CNTNAP2: variants seen among roughly 807,000 people sequenced by gnomAD.
The protein encoded by CNTNAP2 is contactin-associated protein-like 2.
Under a neutral mutation model 155.2 loss-of-function variants are expected in CNTNAP2, and 98 were observed. The ratio of observed to expected loss-of-function variants is 0.63; its 90% CI spans 0.54 to 0.75. CNTNAP2 has a LOEUF of 0.75. Among genes scored for constraint, CNTNAP2 ranks in the 30% least tolerant of loss-of-function variants. The probability of loss-of-function intolerance (pLI) is 0.00; values close to 1 mark genes in which losing one functional copy is unlikely to be tolerated. For missense variants in CNTNAP2, 1,727 were observed against 1,688.1 expected (o/e 1.02, Z -0.40); for synonymous variants, 651 against 631.2 (o/e 1.03, Z -0.47).
At chr7:147,699,596 T>TAATA (rs56180062) in intron 13 of CNTNAP2, among the ~76,000 whole-genome samples, 47,584 of 151,268 alleles carry the variant, frequency 0.31, 7,750 homozygotes, top group African/African-American at 0.4. Flanking sequence ...ACTTAAAATA[T>TAATA]AATAAATAAA....
At chr7:147,494,200 C>A (rs1416477650) in intron 11 of CNTNAP2, among the ~76,000 whole-genome samples, 1 of 152,194 alleles carries the variant, frequency 6.6e-6, no homozygotes, top group East Asian at 1.9e-4. Context: ...AAAGTACTAC[C>A]TGGGTAGAAA....
chr7:147,752,313 T>C (rs1035485603), intron 13 of CNTNAP2, among the ~76,000 whole-genome samples: 1 of 65,638 alleles, frequency 1.5e-5, no homozygotes, highest in Non-Finnish European at 2.9e-5. Context: ...ACCTTCAAGG[T>C]ATTTTCCCTG....
chr7:147,716,616 C>G (rs1422826909), intron 13 of CNTNAP2, among the ~76,000 whole-genome samples: 12 of 152,262 alleles, frequency 7.9e-5, no homozygotes, highest in Admixed American at 3.3e-4. Context: ...GCCTGGCCCC[C>G]AGGTAGCCCT....
chr7:147,990,863 C>T (rs1393277147), intron 15 of CNTNAP2, among the ~76,000 whole-genome samples: 1 of 152,064 alleles, frequency 6.6e-6, no homozygotes, highest in Non-Finnish European at 1.5e-5. Flanking sequence ...AATCATTGGC[C>T]ACATGATTAA....
At chr7:147,412,492 A>G (rs961561409) in intron 10 of CNTNAP2, among the ~76,000 whole-genome samples, 1 of 152,210 alleles carries the variant, frequency 6.6e-6, no homozygotes, top group Admixed American at 6.5e-5. Context: ...ATAATCACAC[A>G]TTCAAGACTG....
At chr7:146,697,604 A>G (rs1362302404) in intron 1 of CNTNAP2, among the ~76,000 whole-genome samples, 1 of 152,048 alleles carries the variant, frequency 6.6e-6, no homozygotes, top group East Asian at 1.9e-4. Flanking sequence ...TTATATATTT[A>G]CTCTAGATGT....
At chr7:147,241,262 T>G (rs1803931018) in intron 8 of CNTNAP2, among the ~76,000 whole-genome samples, 1 of 152,232 alleles carries the variant, frequency 6.6e-6, no homozygotes, top group African/African-American at 2.4e-5. Flanking sequence ...TCATTCTCCC[T>G]GAGCTCTTTA....
intron 1 of CNTNAP2, among the ~76,000 whole-genome samples, chr7:146,133,763 A>G (rs928783722): frequency 6.6e-6 from 1 of 152,096 alleles, no homozygotes; most frequent in African/African-American, 2.4e-5. Context: ...GTTCTGTTCC[A>G]TTGATCTATA....
intron 3 of CNTNAP2, among the ~76,000 whole-genome samples, chr7:147,010,068 G>A (rs1798596612): frequency 1.4e-5 from 2 of 147,376 alleles, no homozygotes; most frequent in African/African-American, 2.5e-5. Flanking sequence ...GGAGTGCAGT[G>A]GCATGATCTG....
chr7:147,321,090 C>CT (rs1795343780), intron 9 of CNTNAP2, among the ~76,000 whole-genome samples: 1 of 152,220 alleles, frequency 6.6e-6, no homozygotes, highest in South Asian at 2.1e-4. Flanking sequence ...GTTGACTATT[C>CT]TTTTTCATAC....
chr7:146,652,453 CTT>C (rs1799931903), intron 1 of CNTNAP2, among the ~76,000 whole-genome samples: 1 of 152,222 alleles, frequency 6.6e-6, no homozygotes, highest in South Asian at 2.1e-4. Flanking sequence ...TCCTCTGAAA[CTT>C]TGAACAAGAG....
chr7:146,346,812 T>C (rs1390897668), intron 1 of CNTNAP2, among the ~76,000 whole-genome samples: 2 of 152,150 alleles, frequency 1.3e-5, no homozygotes, highest in African/African-American at 4.8e-5. Context: ...CCAAGTTTCA[T>C]GGGAAACCCA....
chr7:146,684,350 T>C (rs142603449), intron 1 of CNTNAP2, among the ~76,000 whole-genome samples: 1,795 of 152,214 alleles, frequency 0.012, 21 homozygotes, highest in Middle Eastern at 0.055. Context: ...AAAATTCCCC[T>C]ATTTATGTAT....
At chr7:147,914,398 G>A (rs1484545897) in intron 14 of CNTNAP2, among the ~76,000 whole-genome samples, 1 of 151,938 alleles carries the variant, frequency 6.6e-6, no homozygotes, top group Admixed American at 6.6e-5. Context: ...AAATTAGTCA[G>A]GCATAGTGGC....
intron 3 of CNTNAP2, among the ~76,000 whole-genome samples, chr7:146,974,504 T>C (rs886167907): frequency 9.9e-5 from 15 of 152,130 alleles, no homozygotes; most frequent in African/African-American, 3.4e-4. Context: ...TAACTATAGA[T>C]GTCAAATTTA....
intron 16 of CNTNAP2, among the ~76,000 whole-genome samples, chr7:148,131,528 C>A (rs973721562): frequency 6.6e-6 from 1 of 152,130 alleles, no homozygotes; most frequent in Non-Finnish European, 1.5e-5. Flanking sequence ...AGACAACAGA[C>A]CCTCTAAGAG....
intron 21 of CNTNAP2, among the ~76,000 whole-genome samples, chr7:148,342,962 G>A (rs1211689474): frequency 6.6e-6 from 1 of 152,226 alleles, no homozygotes; most frequent in Non-Finnish European, 1.5e-5. Flanking sequence ...ATCTGGAAAA[G>A]GTGAGAAGCA....
In CNTNAP2 at chr7:147,055,334, A is replaced by G. The variant is rs528803042; in HGVS notation, c.550+11280A>G. 3.9e-5 allele frequency among the ~76,000 whole-genome samples: 6 copies of G among 152,338 alleles called. No homozygotes were observed. The South Asian group carries it at 1.2e-3, about 32-fold the overall frequency. ...CCGAAATGCTTCTGCGTGAGGCAAT[A>G]AACTGCATAGCTTATTAAGGACTGT... On this transcript the variant is annotated intron_variant, in intron 4 of 23. Transcript: ENST00000361727.
chr7:147,490,452 C>T (rs967203580), intron 11 of CNTNAP2, among the ~76,000 whole-genome samples: 16 of 152,058 alleles, frequency 1.1e-4, no homozygotes, highest in African/African-American at 2.9e-4. Flanking sequence ...ACGTGAGAGG[C>T]GCAGTGGATT....
Sources: gnomAD v4.1 joint callset for allele counts (sites outside exome capture counted in the v4.1 genomes callset) on GRCh38, gnomAD v4.1.1 for gene constraint, MANE v1.5 for transcripts, NCBI Gene and HGNC (gene_info 2026-07-23, HGNC 2026-07-21) for gene names.